Variants in FAT3 observed in about 807,000 individuals in gnomAD.
FAT3 encodes FAT atypical cadherin 3, also known as protocadherin Fat 3.
FAT3 carries 95 observed loss-of-function variants against 310.2 expected under a neutral mutation model. The observed-to-expected ratio is 0.31, with a 90% CI of 0.26 to 0.36. The LOEUF (loss-of-function observed/expected upper bound fraction) is 0.36. Among genes scored for constraint, FAT3 ranks in the 10% least tolerant of loss-of-function variants. FAT3 has a pLI of 1.00. For synonymous variants in FAT3, 2,314 were observed against 2,192.9 expected (o/e 1.06, Z -1.54); for missense variants, 5,408 against 5,715.6 (o/e 0.95, Z 1.74).
chr11:92,245,562 C>G (rs552009710), intron 1 of FAT3, among the ~76,000 whole-genome samples: 162 of 152,180 alleles, frequency 1.1e-3, no homozygotes, highest in African/African-American at 3.7e-3. Context: ...CCTTTGGGAG[C>G]CATTATGCAA....
chr11:92,684,242 G>T (rs1943567010), intron 3 of FAT3, among the ~76,000 whole-genome samples: 1 of 152,162 alleles, frequency 6.6e-6, no homozygotes, highest in Non-Finnish European at 1.5e-5. Context: ...CAAACCCTTA[G>T]TCCCAAAGAA....
intron 3 of FAT3, among the ~76,000 whole-genome samples, chr11:92,639,887 G>T (rs894689742): frequency 5.9e-5 from 9 of 152,102 alleles, no homozygotes; most frequent in Non-Finnish European, 7.4e-5. Flanking sequence ...ACAGGAAAGG[G>T]CCGGAGCTAC....
intron 3 of FAT3, among the ~76,000 whole-genome samples, chr11:92,683,117 C>T (rs1943535589): frequency 6.7e-6 from 1 of 150,346 alleles, no homozygotes; most frequent in Non-Finnish European, 1.5e-5. Context: ...TCCAGCATTT[C>T]CTGCCTGTTT....
chr11:92,752,028 A>G (rs186861714), intron 4 of FAT3, among the ~76,000 whole-genome samples: 1 of 152,202 alleles, frequency 6.6e-6, no homozygotes, highest in African/African-American at 2.4e-5. Flanking sequence ...TGCTATCAGT[A>G]TAACCAAAGA....
rs573234390 is a variant in FAT3, at chr11:92,840,594, G to T, written c.10401G>T (p.Gln3467His). 1 of 1,602,802 alleles carries T rather than the reference G, an allele frequency of 6.2e-7. No individual in the cohort carries two copies. Among genetic ancestry groups the T allele is most frequent in the African/African-American group, 1.3e-5 (1 of 74,886 alleles). Residue 3467 changes from glutamine to histidine, a missense_variant, in exon 18 of 28, where the codon CAG becomes CAT. Gln to His is a conservative substitution (Grantham distance 24, BLOSUM62 0). Transcript: ENST00000525166. ...ENKPVGTSILQLVVTDRDSFH... is the reference protein window; with the variant it reads ...ENKPVGTSILHLVVTDRDSFH... The stretch of plus-strand genomic sequence containing the variant: ...AGCCAGTGGGCACCAGCATCTTGCA[G>T]CTGGTGGTGACAGACAGAGACTCCT...
chr11:92,713,164 G>A (rs756838984), intron 4 of FAT3, among the ~76,000 whole-genome samples: 13 of 152,188 alleles, frequency 8.5e-5, no homozygotes, highest in Admixed American at 1.3e-4. Context: ...GAAATCATAC[G>A]TGAAACTTTG....
chr11:92,365,963 A>G (rs917673374), intron 2 of FAT3, among the ~76,000 whole-genome samples: 5 of 152,254 alleles, frequency 3.3e-5, no homozygotes, highest in African/African-American at 7.2e-5. Flanking sequence ...CACATACACT[A>G]AAGTCAGGAT....
At chr11:92,777,517 C>G (rs1565586012) in intron 7 of FAT3, among the ~76,000 whole-genome samples, 1 of 152,124 alleles carries the variant, frequency 6.6e-6, no homozygotes, top group East Asian at 1.9e-4. Flanking sequence ...AACGCAAGAA[C>G]AAAGCATCCC....
chr11:92,429,242 A>G (rs948513210), intron 2 of FAT3, among the ~76,000 whole-genome samples: 1 of 151,830 alleles, frequency 6.6e-6, no homozygotes, highest in African/African-American at 2.4e-5. Flanking sequence ...GTAAATCTTC[A>G]TCCATCCCTT....
At position 92,845,939 on chromosome 11, in the gene FAT3, CA is replaced by C. The variant is rs139533187; in HGVS notation, c.11365+1208del. 8.3e-3 allele frequency among the ~76,000 whole-genome samples: 1,269 copies of C among 152,232 alleles called. 18 individuals carry two copies. Among genetic ancestry groups the C allele is most frequent in the African/African-American group, 0.029 (1,197 of 41,532 alleles). Reference sequence around the variant, plus strand: ...TGTGCCAGCTGCTCTCTGTGGTATCCAGTGAATTCTGTTTGTGATTGCATCA... The same window carrying C: ...TGTGCCAGCTGCTCTCTGTGGTATCCGTGAATTCTGTTTGTGATTGCATCA... On this transcript the variant is annotated intron_variant, in intron 19 of 27. Transcript: ENST00000525166.
At chr11:92,881,114 C>G (rs555088950) in intron 23 of FAT3, among the ~76,000 whole-genome samples, 4 of 152,262 alleles carry the variant, frequency 2.6e-5, no homozygotes, top group African/African-American at 9.6e-5. Context: ...TTTCCCTATA[C>G]CTTCAAAATT....
chr11:92,633,443 G>A (rs1231353789), intron 3 of FAT3, among the ~76,000 whole-genome samples: 1 of 152,042 alleles, frequency 6.6e-6, no homozygotes, highest in Non-Finnish European at 1.5e-5. Context: ...CTAAAAATTA[G>A]GACGATGATG....
intron 7 of FAT3, among the ~76,000 whole-genome samples, chr11:92,775,840 G>T (rs1461896842): frequency 4.6e-5 from 7 of 152,150 alleles, no homozygotes; most frequent in Non-Finnish European, 8.8e-5. Context: ...CCCCATTTGG[G>T]ATGATAAATT....
intron 1 of FAT3, among the ~76,000 whole-genome samples, chr11:92,315,023 A>T (rs1947400560): frequency 6.6e-6 from 1 of 151,994 alleles, no homozygotes; most frequent in African/African-American, 2.4e-5. Context: ...TACATACAGC[A>T]GTTTAATTAC....
chr11:92,573,368 G>A (rs1303253042), intron 3 of FAT3, among the ~76,000 whole-genome samples: 1 of 152,080 alleles, frequency 6.6e-6, no homozygotes, highest in Non-Finnish European at 1.5e-5. Context: ...ACTCTCAGTG[G>A]CCCCTAGTAA....
intron 1 of FAT3, among the ~76,000 whole-genome samples, chr11:92,324,201 C>T (rs111469391): frequency 2.6e-4 from 39 of 152,288 alleles, no homozygotes; most frequent in African/African-American, 8.7e-4. Flanking sequence ...CTTGTGTTCA[C>T]CAAAGTAGCA....
chr11:92,694,915 A>G (rs947609152), intron 3 of FAT3, among the ~76,000 whole-genome samples: 4 of 152,194 alleles, frequency 2.6e-5, no homozygotes, highest in African/African-American at 9.6e-5. Flanking sequence ...TCTGTGACAT[A>G]TGACCTTGTC....
chr11:92,523,804 T>C (rs996372545), intron 2 of FAT3, among the ~76,000 whole-genome samples: 1 of 152,176 alleles, frequency 6.6e-6, no homozygotes, highest in African/African-American at 2.4e-5. Context: ...GTAAGTGTTG[T>C]AAAGATAGAC....
At chr11:92,418,284 G>C (rs1009428238) in intron 2 of FAT3, among the ~76,000 whole-genome samples, 2 of 151,998 alleles carry the variant, frequency 1.3e-5, no homozygotes, top group African/African-American at 2.4e-5. Context: ...ATCATTTAGT[G>C]AATGCATTTT....
Sources: gnomAD v4.1 joint callset for allele counts (sites outside exome capture counted in the v4.1 genomes callset) on GRCh38, gnomAD v4.1.1 for gene constraint, MANE v1.5 for transcripts, NCBI Gene and HGNC (gene_info 2026-07-23, HGNC 2026-07-21) for gene names.